The following RAB18 variants were observed in gnomAD, a reference collection of about 807,000 sequenced individuals.
The protein encoded by RAB18 is RAB18, member RAS oncogene family.
Under a neutral mutation model 28.5 loss-of-function variants are expected in RAB18, and 10 were observed. The observed-to-expected ratio is 0.35, with a 90% CI of 0.22 to 0.60. The LOEUF (loss-of-function observed/expected upper bound fraction) is 0.60. Ranked by LOEUF, RAB18 falls within the 20% of genes least tolerant of loss-of-function variation. RAB18 has a pLI of 0.78. For missense variants in RAB18, 188 were observed against 244.2 expected, an observed-to-expected ratio of 0.77 and a Z score of 1.53; for synonymous variants, 93 against 86.9, an observed-to-expected ratio of 1.07 and a Z score of -0.39.
chr10:27,509,421 A>G (rs1051919787), intron 1 of RAB18, among the ~76,000 whole-genome samples: 6 of 152,120 alleles, frequency 3.9e-5, no homozygotes, highest in South Asian at 4.1e-4. Flanking sequence ...CGGCTTTGAT[A>G]TATTTCTGGT....
intron 2 of RAB18, among the ~76,000 whole-genome samples, chr10:27,512,740 A>C (rs7095197): frequency 6.6e-6 from 1 of 152,188 alleles, no homozygotes; most frequent in African/African-American, 2.4e-5. Context: ...AAACTTGCCT[A>C]AAGTTAAAAT....
chr10:27,541,301 C>T lies in RAB18; in HGVS notation c.*3250C>T. 1 of 453,188 alleles carries T rather than the reference C, an allele frequency of 2.2e-6. No homozygotes were observed. The highest frequency in any genetic ancestry group is 4.4e-6 in the Non-Finnish European group (1 of 226,664). The allele number at this position is 453,188 out of a possible 1,614,324, so 28.1% of individuals were successfully genotyped here. ...GAATAAATAGACATAGACAGGCTAG[C>T]TAAGTCAAGACTAGGGGCTAAGGAA... On this transcript the variant is annotated 3_prime_UTR_variant, in exon 7 of 7. Coordinates refer to ENST00000356940, the MANE Select transcript of RAB18 (RefSeq NM_021252.5).
intron 2 of RAB18, among the ~76,000 whole-genome samples, chr10:27,520,916 CAAA>C (rs58688075): frequency 8.5e-4 from 34 of 40,092 alleles, no homozygotes; most frequent in African/African-American, 3.3e-3. Context: ...GACTCCATCT[CAAA>C]AAAAAAAAAA....
At chr10:27,516,718 C>G (rs1834444438) in intron 2 of RAB18, among the ~76,000 whole-genome samples, 1 of 151,952 alleles carries the variant, frequency 6.6e-6, no homozygotes, top group Non-Finnish European at 1.5e-5. Context: ...ACAGATTTGA[C>G]CTGAATGTCA....
chr10:27,535,563 T>C (rs372722620), intron 6 of RAB18, among the ~76,000 whole-genome samples: 16 of 152,216 alleles, frequency 1.1e-4, no homozygotes, highest in Non-Finnish European at 1.8e-4. Context: ...TGGTGGAAAG[T>C]AGGGAAGCAG....
intron 2 of RAB18, among the ~76,000 whole-genome samples, chr10:27,518,935 A>G (rs1215459417): frequency 6.6e-6 from 1 of 152,072 alleles, no homozygotes; most frequent in African/African-American, 2.4e-5. Flanking sequence ...TAATTTTTGA[A>G]TACAGTGTGA....
intron 2 of RAB18, among the ~76,000 whole-genome samples, chr10:27,519,822 A>AT (rs1370679542): frequency 6.6e-6 from 1 of 152,144 alleles, no homozygotes; most frequent in African/African-American, 2.4e-5. Flanking sequence ...CAACAAGCTG[A>AT]TTCTAAAATT....
intron 6 of RAB18, among the ~76,000 whole-genome samples, chr10:27,535,899 C>G (rs769429472): frequency 1.3e-5 from 2 of 152,014 alleles, no homozygotes; most frequent in Non-Finnish European, 2.9e-5. Flanking sequence ...ATGGCTAACA[C>G]GGTGAAACCC....
chr10:27,508,560 G>A (rs949388105), intron 1 of RAB18, among the ~76,000 whole-genome samples: 2 of 152,170 alleles, frequency 1.3e-5, no homozygotes, highest in East Asian at 3.8e-4. Context: ...TAGTCTTTAA[G>A]AGTCTTACTA....
intron 1 of RAB18, among the ~76,000 whole-genome samples, chr10:27,506,345 A>G (rs1447144467): frequency 6.6e-6 from 1 of 152,016 alleles, no homozygotes; most frequent in Non-Finnish European, 1.5e-5. Flanking sequence ...TTTTTGAGAC[A>G]GGGTCTTATT....
chr10:27,537,669 A>G (rs1834927887), intron 6 of RAB18, among the ~76,000 whole-genome samples: 1 of 152,194 alleles, frequency 6.6e-6, no homozygotes, highest in African/African-American at 2.4e-5. Flanking sequence ...GTATAAAATT[A>G]TATACTAGTA....
At chr10:27,520,536 T>C (rs1414127108) in intron 2 of RAB18, among the ~76,000 whole-genome samples, 1 of 152,090 alleles carries the variant, frequency 6.6e-6, no homozygotes. Flanking sequence ...TTGCACAGAG[T>C]TTACTCCTCT....
chr10:27,512,055 G>A (rs1196058757), intron 2 of RAB18, among the ~76,000 whole-genome samples: 1 of 151,746 alleles, frequency 6.6e-6, no homozygotes, highest in African/African-American at 2.4e-5. Flanking sequence ...CTCCCAAGTA[G>A]CTGGAACTAC....
At chr10:27,506,182 G>C (rs1837830550) in intron 1 of RAB18, among the ~76,000 whole-genome samples, 1 of 152,130 alleles carries the variant, frequency 6.6e-6, no homozygotes, top group African/African-American at 2.4e-5. Flanking sequence ...AGTCAAGAAT[G>C]GTTGGTTGTC....
chr10:27,525,454 A>G (rs1013369376), intron 2 of RAB18, among the ~76,000 whole-genome samples: 7 of 151,928 alleles, frequency 4.6e-5, no homozygotes, highest in Admixed American at 4.6e-4. Flanking sequence ...CAATAGGAAG[A>G]AAATGTAGAT....
intron 1 of RAB18, among the ~76,000 whole-genome samples, chr10:27,508,094 G>A (rs985191635): frequency 6.6e-6 from 1 of 151,256 alleles, no homozygotes; most frequent in Non-Finnish European, 1.5e-5. Flanking sequence ...ATAGAGAAAT[G>A]GACTCTCTGT....
intron 6 of RAB18, among the ~76,000 whole-genome samples, chr10:27,534,400 G>T (rs1391277114): frequency 6.6e-6 from 1 of 152,208 alleles, no homozygotes; most frequent in Non-Finnish European, 1.5e-5. Context: ...CATATGGTTT[G>T]TATGCACATT....
chr10:27,537,699 A>T (rs983888870), intron 6 of RAB18, among the ~76,000 whole-genome samples, 177 bp from the exon 7 acceptor site: 7 of 152,190 alleles, frequency 4.6e-5, no homozygotes, highest in African/African-American at 1.7e-4. Context: ...ATAGAATTTA[A>T]TTAGCTCAAT....
chr10:27,520,787 G>A (rs1834532890), intron 2 of RAB18, among the ~76,000 whole-genome samples: 1 of 151,206 alleles, frequency 6.6e-6, no homozygotes, highest in Non-Finnish European at 1.5e-5. Flanking sequence ...CATAGTGGCG[G>A]GCACCTGTAA....
Sources: gnomAD v4.1 joint callset for allele counts (sites outside exome capture counted in the v4.1 genomes callset) on GRCh38, gnomAD v4.1.1 for gene constraint, MANE v1.5 for transcripts, NCBI Gene and HGNC (gene_info 2026-07-23, HGNC 2026-07-21) for gene names.